Variants in RNF24 observed in about 807,000 individuals in gnomAD.
RNF24 encodes the protein ring finger protein 24.
A neutral mutation model predicts 20.0 loss-of-function variants in RNF24; 14 were observed. The ratio of observed to expected loss-of-function variants is 0.70; its 90% confidence interval spans 0.46 to 1.10. The LOEUF (loss-of-function observed/expected upper bound fraction) is 1.10. RNF24 is among the 50% of genes least tolerant of loss of function. RNF24 has a pLI of 0.00. For missense variants in RNF24, 124 were observed against 177.6 expected, an observed-to-expected ratio of 0.70 and a Z score of 1.71; for synonymous variants, 45 against 61.1, an observed-to-expected ratio of 0.74 and a Z score of 1.23.
chr20:3,942,267 C>T (rs1327274224), intron 4 of RNF24, among the ~76,000 whole-genome samples: 1 of 150,114 alleles, frequency 6.7e-6, no homozygotes, highest in Non-Finnish European at 1.5e-5. Flanking sequence ...CTCCTGGGCT[C>T]AAGCAATCCT....
At position 3,983,953 on chromosome 20, in the gene RNF24, A is replaced by C. The variant is rs1044678866; in HGVS notation, c.-7-19929T>G. 5.4e-4 allele frequency among the ~76,000 whole-genome samples: 82 copies of C among 151,214 alleles called. 1 individual carries two copies. Among genetic ancestry groups the C allele is most frequent in the Non-Finnish European group, 8.7e-4 (59 of 67,794 alleles). ...GAGACTTGGTCTCAAAAAAAAAAAAAAAAAAAAAAAAACAAGTGAAAAAGT... is the reference window on the plus strand; with the variant it reads ...GAGACTTGGTCTCAAAAAAAAAAAACAAAAAAAAAAAACAAGTGAAAAAGT... On this transcript the variant is annotated intron_variant, in intron 1 of 5. Transcript: ENST00000358395.
chr20:3,988,318 T>A (rs1284550783), intron 1 of RNF24, among the ~76,000 whole-genome samples: 1 of 151,896 alleles, frequency 6.6e-6, no homozygotes. Context: ...AGAATGATCT[T>A]GTCTCAAAAA....
At chr20:3,969,520 A>G (rs2091292399) in intron 1 of RNF24, among the ~76,000 whole-genome samples, 1 of 151,682 alleles carries the variant, frequency 6.6e-6, no homozygotes, top group Non-Finnish European at 1.5e-5. Context: ...AAAAAAAAAA[A>G]GCCCTAATGA....
chr20:3,990,749 G>A (rs1051473650), intron 1 of RNF24, among the ~76,000 whole-genome samples: 1 of 151,970 alleles, frequency 6.6e-6, no homozygotes, highest in African/African-American at 2.4e-5. Context: ...GGTGGCACAT[G>A]CTTTTAGTCC....
intron 1 of RNF24, among the ~76,000 whole-genome samples, chr20:3,992,381 C>CAGAA (rs1980518832): frequency 1.3e-5 from 2 of 152,066 alleles, no homozygotes; most frequent in Admixed American, 1.3e-4. Context: ...CTTTACCAGG[C>CAGAA]AGAATCAGAG....
intron 1 of RNF24, among the ~76,000 whole-genome samples, chr20:3,978,358 A>C (rs528993311): frequency 5.9e-4 from 87 of 146,658 alleles, no homozygotes; most frequent in African/African-American, 2.1e-3. Context: ...TTTTAAAAGT[A>C]AAAAAAAATT....
intron 1 of RNF24, among the ~76,000 whole-genome samples, chr20:3,988,279 A>C (rs1361783644): frequency 6.6e-6 from 1 of 152,090 alleles, no homozygotes; most frequent in African/African-American, 2.4e-5. Flanking sequence ...AGCCGTGATC[A>C]TGCCACTGCA....
intron 1 of RNF24, among the ~76,000 whole-genome samples, chr20:3,977,052 A>C (rs1978926432): frequency 6.6e-6 from 1 of 152,190 alleles, no homozygotes; most frequent in South Asian, 2.1e-4. Flanking sequence ...CTGATGGAAA[A>C]GAACTGTGAT....
rs145434374 is a variant in RNF24, at chr20:3,934,301, C to T, written c.309-100G>A. On this transcript the variant is annotated intron_variant, in intron 5 of 5. Transcript: ENST00000358395. This position sits in a 1 kb window ranked among gnomAD's most constrained non-coding sequence, Gnocchi z 4.0. ...ATATCTGTCACCCAGACAACGTCTGCTGTATGGTCCAAGGAGCTCCCCTCC... is the reference window on the plus strand; with the variant it reads ...ATATCTGTCACCCAGACAACGTCTGTTGTATGGTCCAAGGAGCTCCCCTCC... 43 of 1,252,638 alleles carry T rather than the reference C, an allele frequency of 3.4e-5. No individual in the cohort carries two copies. In the East Asian group the frequency reaches 1.2e-3, roughly 34 times the overall value. 77.6% of individuals were successfully genotyped at this position (1,252,638 alleles called of 1,614,324 possible).
rs557989414 is a variant in RNF24, at chr20:3,932,947, C to T, written c.*1116G>A. On this transcript the variant is annotated 3_prime_UTR_variant, in exon 6 of 6. Transcript: ENST00000358395. ...GTCCAAATACTGAGGCACACACCAA[C>T]GGTGGACAGCCCTGCAGGAGCTTCC... The T allele has an allele frequency of 6.5e-5, 26 of 398,516 alleles. No individual in the cohort carries two copies. Among genetic ancestry groups the T allele is most frequent in the African/African-American group, 2.9e-4 (14 of 48,714 alleles). The allele number at this position is 398,516 out of a possible 1,614,324, so 24.7% of individuals were successfully genotyped here. A position where few individuals can be genotyped will look rare whatever the true frequency, so the allele number is the denominator to read the frequency against.
chr20:3,969,709 G>A (rs530808305), intron 1 of RNF24, among the ~76,000 whole-genome samples: 26 of 151,752 alleles, frequency 1.7e-4, no homozygotes, highest in African/African-American at 6.0e-4. Flanking sequence ...AGGATGTAAC[G>A]AGATGCCCCC....
At chr20:3,961,655 A>G (rs1568631440) in intron 2 of RNF24, among the ~76,000 whole-genome samples, 1 of 152,038 alleles carries the variant, frequency 6.6e-6, no homozygotes, top group Admixed American at 6.6e-5. Flanking sequence ...TTAGAATTAA[A>G]TATTTTACAT....
chr20:3,980,479 T>C lies in RNF24; in HGVS notation c.-7-16455A>G, dbSNP rs974340679. ...TGAGCACGACAGCTTGAGATTTCATTACACTACTCAGAATGGTGAATAATC... is the reference window on the plus strand; with the variant it reads ...TGAGCACGACAGCTTGAGATTTCATCACACTACTCAGAATGGTGAATAATC... On this transcript the variant is annotated intron_variant, in intron 1 of 5. Coordinates refer to ENST00000358395, the MANE Select transcript of RNF24 (RefSeq NM_001134337.3). Among the ~76,000 whole-genome samples, 12 of 152,312 alleles carry C rather than the reference T, an allele frequency of 7.9e-5. No homozygotes were observed. The East Asian group carries it at 2.1e-3, about 27-fold the overall frequency.
intron 2 of RNF24, among the ~76,000 whole-genome samples, chr20:3,961,961 T>C (rs896840678): frequency 6.6e-6 from 1 of 152,230 alleles, no homozygotes; most frequent in African/African-American, 2.4e-5. Context: ...CTTTATTATA[T>C]TGGAATTGCA....
In RNF24 at chr20:3,934,176, G is replaced by T; in HGVS notation, c.334C>A (p.Arg112Ser). 6.2e-7 allele frequency: 1 copy of T among 1,606,870 alleles called. No homozygotes were observed. Among genetic ancestry groups the T allele is most frequent in the South Asian group, 1.1e-5 (1 of 90,654 alleles). ...ATGTTGCACAGGGGACACACTTTAC[G>T]AACCTCCAGCCACTTAATAAGGCAC... Reference protein sequence around the residue: ...RKCLIKWLEVRKVCPLCNMPV... With the variant: ...RKCLIKWLEVSKVCPLCNMPV... Residue 112 changes from arginine (R) to serine (S), a missense_variant, in exon 6 of 6, where the codon CGT becomes AGT. Transcript: ENST00000358395. The surrounding 1 kb of genome is among the most constrained non-coding windows in gnomAD (Gnocchi z 4.0).
chr20:3,983,231 G>A (rs140183482), intron 1 of RNF24, among the ~76,000 whole-genome samples: 2 of 152,228 alleles, frequency 1.3e-5, no homozygotes, highest in South Asian at 2.1e-4. Context: ...ATCCAGGCAC[G>A]TGGTATGTCT....
In RNF24 at chr20:3,928,800, G is replaced by A. The variant is rs1261882738; in HGVS notation, c.*5263C>T. The A allele has an allele frequency of 7.2e-6, 1 of 139,130 alleles. No individual in the cohort carries two copies. The highest frequency in any genetic ancestry group is 2.6e-5 in the African/African-American group (1 of 38,578). The allele number at this position is 139,130 out of a possible 1,614,324, so 8.6% of individuals were successfully genotyped here. A position where few individuals can be genotyped will look rare whatever the true frequency, so the allele number is the denominator to read the frequency against. On this transcript the variant is annotated 3_prime_UTR_variant, in exon 6 of 6. Transcript: ENST00000358395. ...AAAAATTGTTGGGGTAATTTCTGTT[G>A]TCAAATGGAAAACAAGGCATAAAGG...
chr20:3,988,411 A>G (rs941782341), intron 1 of RNF24, among the ~76,000 whole-genome samples: 1 of 151,470 alleles, frequency 6.6e-6, no homozygotes, highest in African/African-American at 2.4e-5. Context: ...ATGTTAACCT[A>G]CTTATTCACT....
intron 1 of RNF24, among the ~76,000 whole-genome samples, chr20:3,974,028 AG>A (rs1174890372): frequency 6.6e-6 from 1 of 152,062 alleles, no homozygotes; most frequent in African/African-American, 2.4e-5. Context: ...TGACCAAGTA[AG>A]GTTTATTCAA....
Sources: allele counts gnomAD v4.1 joint callset (sites outside exome capture counted in the v4.1 genomes callset), GRCh38; gene constraint gnomAD v4.1.1; non-coding constraint Gnocchi (gnomAD v3.1); transcripts MANE v1.5; gene names NCBI Gene and HGNC (gene_info 2026-07-23, HGNC 2026-07-21).